The following CLVS1 variants were observed in gnomAD, a reference collection of about 807,000 sequenced individuals.
The protein encoded by CLVS1 is clavesin-1.
Under a neutral mutation model 33.1 loss-of-function variants are expected in CLVS1, and 10 were observed. That is an observed-to-expected ratio of 0.30 (90% CI 0.19 to 0.51). CLVS1 has a LOEUF of 0.51. Ranked by LOEUF, CLVS1 falls within the 20% of genes least tolerant of loss-of-function variation. The pLI is 0.97. For synonymous variants in CLVS1, 163 were observed against 166.1 expected, an observed-to-expected ratio of 0.98 and a Z score of 0.14; for missense variants, 343 against 433.4, an observed-to-expected ratio of 0.79 and a Z score of 1.85.
At chr8:61,096,059 T>C (rs1010210183) in intron 1 of CLVS1, among the ~76,000 whole-genome samples, 9 of 152,218 alleles carry the variant, frequency 5.9e-5, no homozygotes, top group African/African-American at 2.2e-4. Context: ...GGCTATGACC[T>C]TGAGTATAAT....
At chr8:61,358,604 AAAACAAAC>A (rs373323515) in intron 2 of CLVS1, among the ~76,000 whole-genome samples, 3 of 152,318 alleles carry the variant, frequency 2.0e-5, no homozygotes, top group East Asian at 1.9e-4. Flanking sequence ...ACACTAAATT[AAAACAAAC>A]AAACAAACAA....
chr8:61,327,143 A>T (rs1323273636), intron 2 of CLVS1, among the ~76,000 whole-genome samples: 1 of 152,204 alleles, frequency 6.6e-6, no homozygotes, highest in Admixed American at 6.5e-5. Flanking sequence ...AGAGAATTAA[A>T]AGTGAATCCT....
intron 1 of CLVS1, among the ~76,000 whole-genome samples, chr8:61,075,256 G>A (rs1328825222): frequency 6.6e-6 from 1 of 152,158 alleles, no homozygotes; most frequent in Non-Finnish European, 1.5e-5. Context: ...GGTGTGTGGA[G>A]ATCATTCTCC....
chr8:61,056,636 A>C (rs1204552205), upstream of CLVS1, among the ~76,000 whole-genome samples: 2 of 152,184 alleles, frequency 1.3e-5, no homozygotes, highest in African/African-American at 4.8e-5. Flanking sequence ...CACACCTGTG[A>C]ATCACCTCCT....
chr8:61,104,083 T>G (rs1304464179), intron 1 of CLVS1, among the ~76,000 whole-genome samples: 2 of 152,252 alleles, frequency 1.3e-5, no homozygotes, highest in Non-Finnish European at 2.9e-5. Context: ...AACAATCTAC[T>G]GGACATTTGG....
chr8:61,370,926 T>A (rs1813413334), intron 2 of CLVS1, among the ~76,000 whole-genome samples: 1 of 152,210 alleles, frequency 6.6e-6, no homozygotes, highest in Non-Finnish European at 1.5e-5. Flanking sequence ...TGATTCCATA[T>A]TTTTGAAATT....
chr8:61,258,119 T>G (rs1298177651), intron 2 of CLVS1, among the ~76,000 whole-genome samples: 1 of 152,196 alleles, frequency 6.6e-6, no homozygotes, highest in Non-Finnish European at 1.5e-5. Context: ...GGGCCATATC[T>G]CTGTTGCACA....
Position 61,223,778 on chromosome 8 carries a change from A to G in CLVS1, c.-151-75899A>G, listed in dbSNP as rs530529791. Among the ~76,000 whole-genome samples the G allele has an allele frequency of 3.9e-5, 6 of 152,296 alleles. No homozygotes were observed. The South Asian group carries it at 1.2e-3, about 32-fold the overall frequency. On this transcript the variant is annotated intron_variant, in intron 2 of 2. Transcript: ENST00000522621. ...GATAATATCGTGAAGTGTGTTTTCC[A>G]TCTTGTTTCCATTCTCTCCAACTCT...
chr8:61,072,927 T>A (rs1210829234), intron 1 of CLVS1, among the ~76,000 whole-genome samples: 2 of 152,250 alleles, frequency 1.3e-5, no homozygotes, highest in African/African-American at 4.8e-5. Flanking sequence ...CTTTCCTCCA[T>A]TGAAATCTAT....
At chr8:61,217,040 TA>T (rs1766486606) in intron 2 of CLVS1, among the ~76,000 whole-genome samples, 1 of 152,202 alleles carries the variant, frequency 6.6e-6, no homozygotes, top group African/African-American at 2.4e-5. Context: ...TTCTCTTTTC[TA>T]AAATACAATT....
intron 1 of CLVS1, among the ~76,000 whole-genome samples, chr8:61,071,390 T>G (rs1804793809): frequency 6.6e-6 from 1 of 152,304 alleles, no homozygotes; most frequent in South Asian, 2.1e-4. Context: ...CCAGCATTCC[T>G]AGGCTTGTGG....
intron 2 of CLVS1, among the ~76,000 whole-genome samples, chr8:61,250,532 G>A (rs983640375): frequency 3.3e-4 from 50 of 152,048 alleles, no homozygotes; most frequent in Admixed American, 6.6e-4. Flanking sequence ...CATGATATTG[G>A]TTCTTCTCAT....
chr8:61,369,482 G>T (rs568352140), intron 2 of CLVS1, among the ~76,000 whole-genome samples: 2 of 152,130 alleles, frequency 1.3e-5, no homozygotes, highest in South Asian at 4.2e-4. Flanking sequence ...AAGACCCACA[G>T]GCCTAGAAGA....
the CLVS1 span, among the ~76,000 whole-genome samples, chr8:61,036,162 T>C: frequency 6.6e-6 from 1 of 152,232 alleles, no homozygotes. Context: ...GACAGTGAAC[T>C]AGAGCAAAGG....
At chr8:61,472,429 A>G (rs946360712) in intron 5 of CLVS1, among the ~76,000 whole-genome samples, 1 of 152,136 alleles carries the variant, frequency 6.6e-6, no homozygotes, top group Non-Finnish European at 1.5e-5. Flanking sequence ...AAAGAAGGAG[A>G]GAAGAAAGGA....
intron 1 of CLVS1, among the ~76,000 whole-genome samples, chr8:61,098,001 TA>T (rs1805383146): frequency 6.6e-6 from 1 of 151,980 alleles, no homozygotes; most frequent in Non-Finnish European, 1.5e-5. Flanking sequence ...CAAAAAAATT[TA>T]AAAAAAATTA....
At chr8:61,451,077 A>T (rs1310005257) in intron 3 of CLVS1, among the ~76,000 whole-genome samples, 1 of 152,182 alleles carries the variant, frequency 6.6e-6, no homozygotes. Context: ...CAGGACATTT[A>T]GTGTGAGCAG....
intron 1 of CLVS1, among the ~76,000 whole-genome samples, chr8:61,092,248 G>C (rs1037969916): frequency 4.6e-5 from 7 of 152,228 alleles, no homozygotes; most frequent in Non-Finnish European, 7.3e-5. Context: ...CCCTGTATCA[G>C]TAACAGTGCA....
chr8:61,153,270 T>A (rs1260167417), intron 2 of CLVS1, among the ~76,000 whole-genome samples: 4 of 152,334 alleles, frequency 2.6e-5, no homozygotes, highest in Non-Finnish European at 4.4e-5. Flanking sequence ...AATGGACAGA[T>A]TTGCATTTTA....
Sources: gnomAD v4.1 joint callset for allele counts (sites outside exome capture counted in the v4.1 genomes callset) on GRCh38, gnomAD v4.1.1 for gene constraint, MANE v1.5 for transcripts, NCBI Gene and HGNC (gene_info 2026-07-23, HGNC 2026-07-21) for gene names.